Variants in FBXL13 observed in about 807,000 individuals in gnomAD.
FBXL13 encodes F-box and leucine rich repeat protein 13, also known as F-box and leucine-rich repeat protein 13.
Under a neutral mutation model 83.6 loss-of-function variants are expected in FBXL13, and 67 were observed. That is an observed-to-expected ratio of 0.80 (90% CI 0.66 to 0.98). The LOEUF (loss-of-function observed/expected upper bound fraction) is 0.98, where lower values mean the gene tolerates loss of function less well. Ranked by LOEUF, FBXL13 falls within the 50% of genes least tolerant of loss-of-function variation. The pLI is 0.00. For synonymous variants in FBXL13, 272 were observed against 299.5 expected, an observed-to-expected ratio of 0.91 and a Z score of 0.95; for missense variants, 822 against 866.5, an observed-to-expected ratio of 0.95 and a Z score of 0.64.
At chr7:103,045,095 GAAGATT>G (rs1796135764) in intron 2 of FBXL13, among the ~76,000 whole-genome samples, 1 of 152,240 alleles carries the variant, frequency 6.6e-6, no homozygotes, top group Admixed American at 6.5e-5. Context: ...CATGGTGGAA[GAAGATT>G]AATAGACACA....
At chr7:102,823,819 C>T (rs79931387) in intron 18 of FBXL13, among the ~76,000 whole-genome samples, 4,443 of 152,238 alleles carry the variant, frequency 0.029, 185 homozygotes, top group East Asian at 0.16. Flanking sequence ...AGAGACGTTG[C>T]CATTGTCTAA....
chr7:102,966,977 T>G (rs1010531802), intron 7 of FBXL13, among the ~76,000 whole-genome samples: 1 of 152,118 alleles, frequency 6.6e-6, no homozygotes, highest in Admixed American at 6.5e-5. Context: ...TTGGTTTTTT[T>G]GTTTTTTTTT....
exon 1 of FBXL13, chr7:103,074,466 A>G (rs1184458485): frequency 8.8e-7 from 1 of 1,133,664 alleles, no homozygotes; most frequent in East Asian, 6.1e-5. Flanking sequence ...GATGTCACCC[A>G]TTCCCCACGT....
chr7:102,963,449 T>C, intron 8 of FBXL13, 84 bp downstream of exon 9: 1 of 1,530,584 alleles, frequency 6.5e-7, no homozygotes, highest in Non-Finnish European at 8.8e-7. Flanking sequence ...CACTGAAGTT[T>C]CCTTTTTAAT....
intron 8 of FBXL13, chr7:102,932,965 T>C (rs1011419350): frequency 5.9e-5 from 9 of 152,284 alleles, no homozygotes; most frequent in Admixed American, 3.9e-4. Flanking sequence ...GTTAACGAAA[T>C]AGACACAAAT....
chr7:102,956,321 C>CA (rs1824264208), intron 8 of FBXL13, among the ~76,000 whole-genome samples: 1 of 152,064 alleles, frequency 6.6e-6, no homozygotes, highest in Non-Finnish European at 1.5e-5. Context: ...AGGCCTTCGA[C>CA]AAAATTCAAC....
At chr7:102,867,742 G>A (rs1358717351) in intron 16 of FBXL13, among the ~76,000 whole-genome samples, 7 of 120,244 alleles carry the variant, frequency 5.8e-5, no homozygotes, top group East Asian at 2.4e-4. Flanking sequence ...TTGCTGTGTC[G>A]CCCAGGCTGG....
chr7:103,025,903 C>T (rs1793847355), intron 5 of FBXL13, among the ~76,000 whole-genome samples: 1 of 151,758 alleles, frequency 6.6e-6, no homozygotes, highest in Non-Finnish European at 1.5e-5. Context: ...ATCCTCACTC[C>T]ATTTAAGTGA....
At chr7:102,973,263 T>C (rs1237903303) in intron 6 of FBXL13, 1 of 411,058 alleles carries the variant, frequency 2.4e-6, no homozygotes, top group African/African-American at 2.1e-5. Context: ...ACTCCTCTCT[T>C]CTCAGGCCCA....
intron 19 of FBXL13, among the ~76,000 whole-genome samples, chr7:102,817,166 C>A (rs1025397064): frequency 1.3e-5 from 2 of 152,170 alleles, no homozygotes; most frequent in Non-Finnish European, 2.9e-5. Context: ...TATTTTAGTT[C>A]TTTGAGAAGT....
intron 7 of FBXL13, among the ~76,000 whole-genome samples, chr7:102,967,639 C>T (rs963273523): frequency 3.9e-5 from 6 of 152,196 alleles, no homozygotes; most frequent in Non-Finnish European, 8.8e-5. Flanking sequence ...CCATTGCACA[C>T]CTCACACCCT....
At chr7:103,004,650 C>A (rs190473178) in intron 6 of FBXL13, among the ~76,000 whole-genome samples, 1 of 152,198 alleles carries the variant, frequency 6.6e-6, no homozygotes, top group Non-Finnish European at 1.5e-5. Context: ...CTCAATTTCA[C>A]TTTTTCCAGT....
chr7:103,018,927 T>A (rs899116780), intron 6 of FBXL13, among the ~76,000 whole-genome samples: 3 of 151,998 alleles, frequency 2.0e-5, no homozygotes, highest in African/African-American at 7.3e-5. Context: ...GACAGAAAGT[T>A]AACAAGGATA....
chr7:103,056,005 C>T (rs145496549), intron 1 of FBXL13, among the ~76,000 whole-genome samples: 3 of 152,124 alleles, frequency 2.0e-5, no homozygotes, highest in Non-Finnish European at 2.9e-5. Flanking sequence ...TCAAACCCCT[C>T]CCACTCTTTC....
chr7:102,884,445 G>C, intron 11 of FBXL13, 133 bp from the exon 13 acceptor site: 2 of 639,318 alleles, frequency 3.1e-6, no homozygotes, highest in East Asian at 2.8e-5. Flanking sequence ...GCAGACACAA[G>C]AGGGAAAGAA....
exon 4 of FBXL13, chr7:103,028,705 C>T: frequency 1.9e-6 from 3 of 1,600,318 alleles, no homozygotes; most frequent in Non-Finnish European, 1.7e-6. Flanking sequence ...ATTTTTTCAG[C>T]CAGGACGACA....
chr7:102,885,591 G>A (rs1810685678), intron 11 of FBXL13, among the ~76,000 whole-genome samples: 1 of 151,866 alleles, frequency 6.6e-6, no homozygotes, highest in Non-Finnish European at 1.5e-5. Context: ...TTAAAATCAT[G>A]TACTTCGATG....
At chr7:102,917,045 C>T (rs1484382426) in intron 10 of FBXL13, among the ~76,000 whole-genome samples, 1 of 152,048 alleles carries the variant, frequency 6.6e-6, no homozygotes, top group African/African-American at 2.4e-5. Context: ...AAGACAAGGC[C>T]TACTCTGTAA....
chr7:102,991,177 A>C (rs909710316), intron 6 of FBXL13, among the ~76,000 whole-genome samples: 2 of 152,232 alleles, frequency 1.3e-5, no homozygotes, highest in Non-Finnish European at 2.9e-5. Context: ...AAAGAAAAAA[A>C]TATGCAGTAG....
Sources: gnomAD v4.1 joint callset for allele counts (sites outside exome capture counted in the v4.1 genomes callset) on GRCh38, gnomAD v4.1.1 for gene constraint, MANE v1.5 for transcripts, NCBI Gene and HGNC (gene_info 2026-07-23, HGNC 2026-07-21) for gene names.